The following ZC3H12B variants were observed in gnomAD, a reference collection of about 807,000 sequenced individuals.
ZC3H12B encodes the protein zinc finger CCCH-type containing 12B, also known as probable ribonuclease ZC3H12B.
A neutral mutation model predicts 43.9 loss-of-function variants in ZC3H12B; 7 were observed. That is an observed-to-expected ratio of 0.16 (90% confidence interval 0.09 to 0.30). The LOEUF (loss-of-function observed/expected upper bound fraction) is 0.30, where lower values mean the gene tolerates loss of function less well. ZC3H12B is among the 10% of genes least tolerant of loss of function. The pLI, the probability that ZC3H12B is intolerant of heterozygous loss-of-function variation, is 1.00. For missense variants in ZC3H12B, 475 were observed against 670.2 expected (o/e 0.71, Z 3.22); for synonymous variants, 222 against 241.7 (o/e 0.92, Z 0.76).
chrX:65,222,648 AAT>A, the ZC3H12B span, among the ~76,000 whole-genome samples: 1,642 of 100,198 alleles, frequency 0.016, 17 homozygotes, highest in South Asian at 0.049. Flanking sequence ...TAATAATAAT[AAT>A]AAAACACTTA....
the ZC3H12B span, among the ~76,000 whole-genome samples, chrX:65,178,718 C>A: frequency 8.9e-6 from 1 of 112,359 alleles, no homozygotes; most frequent in African/African-American, 3.2e-5. Context: ...GAGATACAAT[C>A]TCATGCCAGT....
rs1253751683 is a variant in ZC3H12B, at chrX:65,373,569, G to T, written n.295+4571G>T. On this transcript the variant is annotated intron_variant and non_coding_transcript_variant, in intron 2 of 5. Coordinates refer to the ZC3H12B transcript ENST00000617377. ...TGGAATACTATGCAGCCATAAAAAA[G>T]GATGAGTTCATGTCCTTTGTAGGGA... Among the ~76,000 whole-genome samples, 4 of 108,820 alleles carry T rather than the reference G, an allele frequency of 3.7e-5. No homozygotes were observed. In the East Asian group the frequency reaches 8.8e-4, roughly 24 times the overall value. 94.5% of individuals were successfully genotyped at this position (108,820 alleles called of 115,157 possible). A position where few individuals can be genotyped will look rare whatever the true frequency, so the allele number is the denominator to read the frequency against.
the ZC3H12B span, among the ~76,000 whole-genome samples, chrX:65,264,233 C>T: frequency 9.0e-6 from 1 of 111,165 alleles, no homozygotes; most frequent in Non-Finnish European, 1.9e-5. Flanking sequence ...GTGATGAGTG[C>T]ACTGAAATTT....
At chrX:65,451,080 T>A (rs2067501582) in intron 3 of ZC3H12B, among the ~76,000 whole-genome samples, 1 of 108,285 alleles carries the variant, frequency 9.2e-6, no homozygotes, top group African/African-American at 3.4e-5. Flanking sequence ...CGCAAACAAC[T>A]GGAATTACAG....
the ZC3H12B span, among the ~76,000 whole-genome samples, chrX:65,213,253 C>T: frequency 9.1e-6 from 1 of 110,325 alleles, no homozygotes; most frequent in Admixed American, 9.9e-5. Context: ...GGCTTGCTCC[C>T]TAATATTTTT....
the ZC3H12B span, among the ~76,000 whole-genome samples, chrX:65,286,343 G>C: frequency 9.0e-6 from 1 of 111,624 alleles, no homozygotes; most frequent in East Asian, 2.8e-4. Context: ...TGTTCTCACT[G>C]ATTATTGGGA....
At chrX:65,158,987 A>G in the ZC3H12B span, among the ~76,000 whole-genome samples, 1 of 112,121 alleles carries the variant, frequency 8.9e-6, no homozygotes, top group Admixed American at 9.5e-5. Flanking sequence ...ACCTTTCTAC[A>G]TATGGCTAGC....
the ZC3H12B span, among the ~76,000 whole-genome samples, chrX:65,164,777 G>GA: frequency 8.9e-6 from 1 of 111,784 alleles, no homozygotes; most frequent in Admixed American, 9.6e-5. Flanking sequence ...TATGTACTCT[G>GA]AAAAAAGAGG....
chrX:65,093,750 C>T, the ZC3H12B span, among the ~76,000 whole-genome samples: 532 of 111,951 alleles, frequency 4.8e-3, 4 homozygotes, highest in African/African-American at 0.016. Flanking sequence ...TTTGATTTTA[C>T]AGACTCCTAG....
chrX:65,504,080 G>C (rs949531724), exon 5 of ZC3H12B: 2 of 112,317 alleles, frequency 1.8e-5, no homozygotes, highest in African/African-American at 6.5e-5. Context: ...ATACTTTATT[G>C]CATGGATATC....
intron 2 of ZC3H12B, among the ~76,000 whole-genome samples, chrX:65,391,818 C>T (rs2066620361): frequency 9.0e-6 from 1 of 111,584 alleles, no homozygotes; most frequent in African/African-American, 3.3e-5. Context: ...CCTCTGTTGC[C>T]AAGGCTGGAC....
chrX:65,461,802 T>C (rs1359547968), intron 3 of ZC3H12B, among the ~76,000 whole-genome samples: 1 of 110,231 alleles, frequency 9.1e-6, no homozygotes, highest in East Asian at 2.8e-4. Flanking sequence ...TGTATATATA[T>C]GTAACAAACC....
chrX:65,170,639 G>T, the ZC3H12B span, among the ~76,000 whole-genome samples: 9 of 111,774 alleles, frequency 8.1e-5, no homozygotes, highest in African/African-American at 2.9e-4. Flanking sequence ...TTTCCATCTT[G>T]GTTCCATTCT....
chrX:65,392,753 C>T (rs940716122), intron 2 of ZC3H12B, among the ~76,000 whole-genome samples: 1 of 113,298 alleles, frequency 8.8e-6, no homozygotes, highest in African/African-American at 3.2e-5. Context: ...GTGTACCCAA[C>T]AGCTCATTGA....
the ZC3H12B span, among the ~76,000 whole-genome samples, chrX:65,146,796 A>T: frequency 8.9e-6 from 1 of 111,779 alleles, no homozygotes; most frequent in Admixed American, 9.5e-5. Context: ...TTCTTCACAG[A>T]GTCCTATGAT....
the ZC3H12B span, among the ~76,000 whole-genome samples, chrX:65,149,677 TG>T: frequency 2.8e-5 from 3 of 107,407 alleles, no homozygotes; most frequent in Non-Finnish European, 5.8e-5. Context: ...GGCAGGAGAA[TG>T]GCGTGAACCC....
the ZC3H12B span, among the ~76,000 whole-genome samples, chrX:65,264,832 G>A: frequency 1.8e-5 from 2 of 111,557 alleles, no homozygotes; most frequent in Non-Finnish European, 3.8e-5. Context: ...ATCAGGTTAG[G>A]ATCATTGTCG....
chrX:65,389,871 T>G (rs1188534754), intron 2 of ZC3H12B, among the ~76,000 whole-genome samples: 1 of 112,072 alleles, frequency 8.9e-6, no homozygotes, highest in African/African-American at 3.2e-5. Context: ...GATCTAGAAC[T>G]AGAAATAGCA....
At chrX:65,125,177 T>A in the ZC3H12B span, among the ~76,000 whole-genome samples, 55 of 111,599 alleles carry the variant, frequency 4.9e-4, no homozygotes, top group South Asian at 0.019. Context: ...TTTTGGTAAG[T>A]TGTGACACTA....
Sources: allele counts gnomAD v4.1 joint callset (sites outside exome capture counted in the v4.1 genomes callset), GRCh38; gene constraint gnomAD v4.1.1; transcripts MANE v1.5; gene names NCBI Gene and HGNC (gene_info 2026-07-23, HGNC 2026-07-21).